LAMA2: variants seen among roughly 807,000 people sequenced by gnomAD.
The protein encoded by LAMA2 is laminin subunit alpha-2.
A neutral mutation model predicts 364.8 loss-of-function variants in LAMA2; 269 were observed. That is an observed-to-expected ratio of 0.74 (90% CI 0.67 to 0.82). The LOEUF (loss-of-function observed/expected upper bound fraction) is 0.82, where lower values mean the gene tolerates loss of function less well. Ranked by LOEUF, LAMA2 falls within the 40% of genes least tolerant of loss-of-function variation. LAMA2 has a pLI of 0.00. For missense variants in LAMA2, 3,807 were observed against 3,873.2 expected, an observed-to-expected ratio of 0.98 and a Z score of 0.45; for synonymous variants, 1,379 against 1,370.6, an observed-to-expected ratio of 1.01 and a Z score of -0.14.
intron 12 of LAMA2, among the ~76,000 whole-genome samples, chr6:129,240,443 A>G (rs1785322138): frequency 6.6e-6 from 1 of 152,172 alleles, no homozygotes; most frequent in Non-Finnish European, 1.5e-5. Context: ...TTTCTGGTAT[A>G]CTTGATAGGC....
At chr6:129,376,786 G>C (rs1034644655) in intron 34 of LAMA2, among the ~76,000 whole-genome samples, 1 of 152,086 alleles carries the variant, frequency 6.6e-6, no homozygotes, top group Admixed American at 6.5e-5. Context: ...GATTCCTCCT[G>C]TGCTTATCTT....
At chr6:129,314,398 CAAAAAA>C (rs3062342) in intron 23 of LAMA2, among the ~76,000 whole-genome samples, 1,034 of 81,884 alleles carry the variant, frequency 0.013, 10 homozygotes, top group Non-Finnish European at 0.016. Context: ...GACTCCGTCT[CAAAAAA>C]AAAAAAAAAA....
At chr6:129,234,087 G>A (rs1210324507) in intron 12 of LAMA2, among the ~76,000 whole-genome samples, 1 of 152,182 alleles carries the variant, frequency 6.6e-6, no homozygotes, top group Non-Finnish European at 1.5e-5. Flanking sequence ...GAGTAGTGAA[G>A]AGTTATCTTG....
chr6:129,337,503 A>G (rs1404595771), intron 29 of LAMA2, among the ~76,000 whole-genome samples: 1 of 152,174 alleles, frequency 6.6e-6, no homozygotes, highest in Non-Finnish European at 1.5e-5. Flanking sequence ...GAATGCATCA[A>G]ATTTTTATTC....
At chr6:129,061,077 T>C (rs1473086720) in intron 3 of LAMA2, among the ~76,000 whole-genome samples, 1 of 152,196 alleles carries the variant, frequency 6.6e-6, no homozygotes, top group African/African-American at 2.4e-5. Flanking sequence ...GCTACCACAC[T>C]GATCAATCAT....
chr6:129,454,045 A>C, intron 46 of LAMA2, 110 bp from the exon 47 acceptor site: 1 of 751,438 alleles, frequency 1.3e-6, no homozygotes, highest in Non-Finnish European at 2.4e-6. Context: ...TGAAGCTCCT[A>C]ATCATTTCAC....
At chr6:129,334,553 A>C (rs1775839185) in intron 29 of LAMA2, among the ~76,000 whole-genome samples, 1 of 152,240 alleles carries the variant, frequency 6.6e-6, no homozygotes, top group African/African-American at 2.4e-5. Context: ...ATAATTAATC[A>C]AAAAATAAGT....
At chr6:129,260,887 A>C in intron 15 of LAMA2, 65 bp downstream of exon 15, 1 of 946,016 alleles carries the variant, frequency 1.1e-6, no homozygotes. Context: ...TCAATAACCT[A>C]TTCTAATAAG....
intron 14 of LAMA2, among the ~76,000 whole-genome samples, chr6:129,258,108 A>C (rs1276223283): frequency 6.6e-6 from 1 of 152,058 alleles, no homozygotes; most frequent in African/African-American, 2.4e-5. Context: ...GGAGATGATC[A>C]TCCTGCATAT....
chr6:129,187,727 A>C (rs1185085347), intron 10 of LAMA2, among the ~76,000 whole-genome samples: 5 of 151,870 alleles, frequency 3.3e-5, no homozygotes, highest in Non-Finnish European at 7.4e-5. Flanking sequence ...TTTGCAGAAT[A>C]CATACTGGCT....
At chr6:129,338,321 A>T (rs1486540218) in intron 29 of LAMA2, among the ~76,000 whole-genome samples, 3 of 152,340 alleles carry the variant, frequency 2.0e-5, no homozygotes, top group East Asian at 3.9e-4. Flanking sequence ...TCTATAAAAT[A>T]AGTTCTTAAA....
chr6:128,909,572 G>T (rs1269289041), intron 1 of LAMA2, among the ~76,000 whole-genome samples: 10 of 147,146 alleles, frequency 6.8e-5, no homozygotes, highest in Non-Finnish European at 1.5e-4. Flanking sequence ...CACACTGATG[G>T]GTCTTGACTC....
chr6:129,184,198 T>C (rs2115025185), intron 10 of LAMA2, among the ~76,000 whole-genome samples: 1 of 152,084 alleles, frequency 6.6e-6, no homozygotes, highest in Admixed American at 6.6e-5. Flanking sequence ...TTCCCTCTTC[T>C]TTTTCATTTG....
At chr6:129,372,682 T>C (rs1450568122) in intron 34 of LAMA2, among the ~76,000 whole-genome samples, 1 of 152,230 alleles carries the variant, frequency 6.6e-6, no homozygotes, top group African/African-American at 2.4e-5. Flanking sequence ...GATTGCTGGA[T>C]GGTATGGTAA....
chr6:129,230,030 A>G (rs1379852879), intron 12 of LAMA2, among the ~76,000 whole-genome samples: 4 of 152,188 alleles, frequency 2.6e-5, no homozygotes, highest in Non-Finnish European at 4.4e-5. Flanking sequence ...ATCAATCCAT[A>G]TGTCATTTAA....
chr6:128,934,657 A>G (rs956732610), intron 1 of LAMA2, among the ~76,000 whole-genome samples: 2 of 152,076 alleles, frequency 1.3e-5, no homozygotes, highest in African/African-American at 2.4e-5. Flanking sequence ...GCACACCACC[A>G]TGCCCAGCCA....
At chr6:129,340,624 T>C (rs1413170583) in intron 29 of LAMA2, among the ~76,000 whole-genome samples, 1 of 151,508 alleles carries the variant, frequency 6.6e-6, no homozygotes, top group Non-Finnish European at 1.5e-5. Flanking sequence ...TCACCTGAGG[T>C]CAGGAGTTCA....
Position 129,300,441 on chromosome 6 carries a change from A to G in LAMA2, c.3038-295A>G, listed in dbSNP as rs2326798. The stretch of plus-strand genomic sequence containing the variant: ...CCGAATATAAGGTGTTACAGTTAAC[A>G]TGGAATCTGATAACACCAATTCTTT... On this transcript the variant is annotated intron_variant, in intron 21 of 64. Coordinates refer to ENST00000421865, the MANE Select transcript of LAMA2 (RefSeq NM_000426.4). 0.78 allele frequency among the ~76,000 whole-genome samples: 118,830 copies of G among 152,066 alleles called. 47,531 individuals carry two copies. Among genetic ancestry groups the G allele is most frequent in the Non-Finnish European group, 0.88 (60,005 of 67,944 alleles).
chr6:128,892,185 T>C (rs138469984), intron 1 of LAMA2, among the ~76,000 whole-genome samples: 469 of 152,138 alleles, frequency 3.1e-3, no homozygotes, highest in African/African-American at 0.011. Flanking sequence ...GAGGAGACCC[T>C]AAGAGACTAT....
Sources: gnomAD v4.1 joint callset for allele counts (sites outside exome capture counted in the v4.1 genomes callset) on GRCh38, gnomAD v4.1.1 for gene constraint, MANE v1.5 for transcripts, NCBI Gene and HGNC (gene_info 2026-07-23, HGNC 2026-07-21) for gene names.